Variants in GRK1 observed in about 807,000 individuals in gnomAD.
The protein encoded by GRK1 is rhodopsin kinase GRK1.
Under a neutral mutation model 41.7 loss-of-function variants are expected in GRK1, and 28 were observed. The observed-to-expected ratio is 0.67, with a 90% CI of 0.50 to 0.92. The LOEUF (loss-of-function observed/expected upper bound fraction) is 0.92, where lower values mean the gene tolerates loss of function less well. Ranked by LOEUF, GRK1 falls within the 40% of genes least tolerant of loss-of-function variation. The pLI is 0.00. For synonymous variants in GRK1, 327 were observed against 286.7 expected, an observed-to-expected ratio of 1.14 and a Z score of -1.42; for missense variants, 703 against 671.2, an observed-to-expected ratio of 1.05 and a Z score of -0.52.
At chr13:113,665,683 G>A (rs966012873), upstream of GRK1, among the ~76,000 whole-genome samples, 8 of 148,758 alleles carry the variant, frequency 5.4e-5, no homozygotes, top group Non-Finnish European at 1.2e-4. Flanking sequence ...TGTCCTAGGT[G>A]TGCCTCAGCT....
At chr13:113,655,069 C>T in the GRK1 span, 4 of 1,310,832 alleles carry the variant, frequency 3.1e-6, no homozygotes, top group East Asian at 5.0e-5. Flanking sequence ...CATTCTCCTC[C>T]CCCAAAACAG....
chr13:113,724,275 C>A (rs1004555167), intron 4 of GRK1, among the ~76,000 whole-genome samples: 1 of 152,222 alleles, frequency 6.6e-6, no homozygotes, highest in Non-Finnish European at 1.5e-5. Context: ...ACGTGCCCGG[C>A]GCCTGTGTAC....
Position 113,667,261 on chromosome 13 carries a change from C to T in GRK1, c.-126C>T, listed in dbSNP as rs1042030772. On this transcript the variant is annotated 5_prime_UTR_variant, in exon 1 of 7. Transcript: ENST00000335678. The surrounding 1 kb of genome is among the most constrained non-coding windows in gnomAD (Gnocchi z 7.5). Reference sequence around the variant, plus strand: ...CTCGACAGGGCCAGGGCGTCTCTCTCGTCCAGCAAGGGCAGGGACGGGCCA... The same window carrying T: ...CTCGACAGGGCCAGGGCGTCTCTCTTGTCCAGCAAGGGCAGGGACGGGCCA... 6.1e-5 allele frequency: 59 copies of T among 966,974 alleles called. No homozygotes were observed. The highest frequency in any genetic ancestry group is 7.5e-5 in the Non-Finnish European group (50 of 670,828). 59.9% of individuals were successfully genotyped at this position (966,974 alleles called of 1,614,324 possible). A position where few individuals can be genotyped will look rare whatever the true frequency, so the allele number is the denominator to read the frequency against.
upstream of GRK1, among the ~76,000 whole-genome samples, chr13:113,664,831 C>A (rs2049807674): frequency 6.6e-6 from 1 of 152,224 alleles, no homozygotes; most frequent in East Asian, 1.9e-4. The surrounding 1 kb of genome is among the most constrained non-coding windows in gnomAD (Gnocchi z 5.4). Context: ...GACGGCTACA[C>A]TTCACAAAGC....
chr13:113,671,852 G>A lies in GRK1; in HGVS notation c.985+196G>A, dbSNP rs887727407. On this transcript the variant is annotated intron_variant, in intron 3 of 6. Coordinates refer to ENST00000335678, the MANE Select transcript of GRK1 (RefSeq NM_002929.3). This position sits in a 1 kb window ranked among gnomAD's most constrained non-coding sequence, Gnocchi z 4.1. ...ACAGGAGTGAGTGCAGGGGTCTGTG[G>A]TGCAGAACCAGCTGGGAACGGCGAG... 8.5e-5 allele frequency among the ~76,000 whole-genome samples: 13 copies of A among 152,242 alleles called. No individual in the cohort carries two copies. Among genetic ancestry groups the A allele is most frequent in the African/African-American group, 3.1e-4 (13 of 41,524 alleles).
rs998912752 is a variant in GRK1, at chr13:113,731,532, C to T, written c.1194+189C>T. 3.8e-5 allele frequency: 15 copies of T among 399,206 alleles called. No individual in the cohort carries two copies. The highest frequency in any genetic ancestry group is 4.4e-5 in the Non-Finnish European group (13 of 294,316). 24.7% of individuals were successfully genotyped at this position (399,206 alleles called of 1,614,324 possible). A position where few individuals can be genotyped will look rare whatever the true frequency, so the allele number is the denominator to read the frequency against. ...CATGCTGTTCTGTCTCAGTGGGTGA[C>T]GCCCCCAGCCCCTGAGGCCTGCAGG... On this transcript the variant is annotated intron_variant, in intron 5 of 6. Coordinates refer to ENST00000335678, the MANE Select transcript of GRK1 (RefSeq NM_002929.3). This position sits in a 1 kb window ranked among gnomAD's most constrained non-coding sequence, Gnocchi z 5.6.
At chr13:113,649,289 G>A in the GRK1 span, 3 of 1,469,792 alleles carry the variant, frequency 2.0e-6, no homozygotes, top group African/African-American at 1.4e-5. This position sits in a 1 kb window ranked among gnomAD's most constrained non-coding sequence, Gnocchi z 4.7. Context: ...GATTTGGCAG[G>A]GAACTGACGG....
chr13:113,652,132 C>T, the GRK1 span, among the ~76,000 whole-genome samples: 1 of 152,224 alleles, frequency 6.6e-6, no homozygotes, highest in Admixed American at 6.5e-5. Context: ...GGCCTTCAGC[C>T]CCCTTCCCCA....
At chr13:113,651,541 C>G in the GRK1 span, 1 of 1,062,256 alleles carries the variant, frequency 9.4e-7, no homozygotes, top group Non-Finnish European at 1.3e-6. Context: ...TCGGTGTTTA[C>G]GTCTGGTTTA....
At chr13:113,657,371 G>A in the GRK1 span, among the ~76,000 whole-genome samples, 30 of 152,344 alleles carry the variant, frequency 2.0e-4, no homozygotes, top group African/African-American at 7.2e-4. Context: ...AAGGGGTGAG[G>A]GCGTTTCCCG....
At chr13:113,656,656 A>G in the GRK1 span, among the ~76,000 whole-genome samples, 4 of 152,138 alleles carry the variant, frequency 2.6e-5, no homozygotes, top group Non-Finnish European at 5.9e-5. Flanking sequence ...CCGTCCCCCA[A>G]TTAGTAAGAA....
chr13:113,730,115 C>T (rs1300126897), intron 4 of GRK1, among the ~76,000 whole-genome samples: 10 of 129,866 alleles, frequency 7.7e-5, no homozygotes, highest in African/African-American at 2.8e-4. Context: ...TCCATCCCGA[C>T]GCAGTCCCCC....
At chr13:113,650,008 C>A in the GRK1 span, among the ~76,000 whole-genome samples, 24 of 152,046 alleles carry the variant, frequency 1.6e-4, no homozygotes, top group African/African-American at 4.8e-4. The surrounding 1 kb of genome is among the most constrained non-coding windows in gnomAD (Gnocchi z 5.0). Flanking sequence ...ATAAAAAATA[C>A]GAAAATTAGC....
At chr13:113,672,024 TG>T (rs1358981463) in intron 3 of GRK1, among the ~76,000 whole-genome samples, 2 of 146,130 alleles carry the variant, frequency 1.4e-5, no homozygotes, top group Non-Finnish European at 3.0e-5. Context: ...AGAGAGTGCG[TG>T]GGGGGCGGGG....
At chr13:113,649,779 A>G in the GRK1 span, among the ~76,000 whole-genome samples, 2 of 152,214 alleles carry the variant, frequency 1.3e-5, no homozygotes, top group African/African-American at 4.8e-5. This position sits in a 1 kb window ranked among gnomAD's most constrained non-coding sequence, Gnocchi z 4.7. Context: ...AACTCTTACG[A>G]TGATTAACGT....
At chr13:113,730,800 C>T (rs1390013959) in intron 4 of GRK1, among the ~76,000 whole-genome samples, 1 of 152,248 alleles carries the variant, frequency 6.6e-6, no homozygotes, top group African/African-American at 2.4e-5. Context: ...ACGTGGTTCC[C>T]AGAATGTGGA....
the GRK1 span, among the ~76,000 whole-genome samples, chr13:113,659,179 G>A: frequency 0.45 from 68,793 of 152,130 alleles, 16,332 homozygotes; most frequent in East Asian, 0.67. Context: ...GTTGGGCGGC[G>A]CACTTCAGAA....
At chr13:113,732,848 G>C in intron 5 of GRK1, 36 bp from the exon 6 acceptor site, 1 of 1,513,008 alleles carries the variant, frequency 6.6e-7, no homozygotes, top group Non-Finnish European at 8.8e-7. Flanking sequence ...AAGAGAGGCG[G>C]GTCTGGCAGG....
At chr13:113,652,575 T>C in the GRK1 span, 7 of 466,302 alleles carry the variant, frequency 1.5e-5, no homozygotes, top group South Asian at 4.0e-5. Context: ...TACCTGGCCC[T>C]GGCATCTCTG....
Sources: gnomAD v4.1 joint callset for allele counts (sites outside exome capture counted in the v4.1 genomes callset) on GRCh38, gnomAD v4.1.1 for gene constraint, Gnocchi (gnomAD v3.1) non-coding constraint, MANE v1.5 for transcripts, NCBI Gene and HGNC (gene_info 2026-07-23, HGNC 2026-07-21) for gene names.